Variants in ABCA7 observed in about 807,000 individuals in gnomAD.
ABCA7 encodes phospholipid-transporting ATPase ABCA7.
Under a neutral mutation model 227.6 loss-of-function variants are expected in ABCA7, and 261 were observed. That is an observed-to-expected ratio of 1.15 (90% confidence interval 1.04 to 1.27). The LOEUF (loss-of-function observed/expected upper bound fraction) is 1.27. Among genes scored for constraint, ABCA7 ranks in the 50% most tolerant of loss-of-function variants. The pLI is 0.00. For missense variants in ABCA7, 3,331 were observed against 2,924.5 expected, an observed-to-expected ratio of 1.14 and a Z score of -3.21; for synonymous variants, 1,488 against 1,279.7, an observed-to-expected ratio of 1.16 and a Z score of -3.47.
At chr19:1,064,350 T>C in intron 45 of ABCA7, 97 bp downstream of exon 45, 1 of 1,300,914 alleles carries the variant, frequency 7.7e-7, no homozygotes, top group Non-Finnish European at 1.0e-6. Flanking sequence ...GAGGAAAGTT[T>C]GGCTCCAACT....
At position 1,063,620 on chromosome 19, in the gene ABCA7, A is replaced by G. The variant is rs1599731020; in HGVS notation, c.5789A>G (p.Asn1930Ser). ...CCTGCAGGCACCTACAGCGGAGGGA[A>G]CAAACGCAAGCTGGCGACGGCCCTG... is the stretch of plus-strand genomic sequence containing the variant. ...DRPAGTYSGG[N>S]KRKLATALAL... Residue 1930 changes from asparagine (N) to serine (S), a missense_variant, in exon 43 of 47, where the codon AAC (asparagine) becomes AGC (serine). By Grantham distance (46) the Asn-to-Ser change is conservative. Coordinates refer to ENST00000263094, the MANE Select transcript of ABCA7 (RefSeq NM_019112.4). 6.2e-7 allele frequency: 1 copy of G among 1,611,404 alleles called. No homozygotes were observed. Among genetic ancestry groups the G allele is most frequent in the East Asian group, 2.2e-5 (1 of 44,866 alleles).
At position 1,054,648 on chromosome 19, in the gene ABCA7, C is replaced by T; in HGVS notation, c.3805C>T (p.Leu1269=). The change falls in exon 28 of 47, where the codon CTG becomes TTG. Residue 1269 remains leucine (L), a synonymous_variant. Transcript: ENST00000263094. This position sits in a 1 kb window ranked among gnomAD's most constrained non-coding sequence, Gnocchi z 4.8. ...GCCTCCTTTCGGGCACTACCCGGCT[C>T]TGCGGCTCAGTCCCACCATGTACGG... ...IVPPFGHYPA[L]RLSPTMYGAQ... 6.2e-7 allele frequency: 1 copy of T among 1,613,450 alleles called. No individual in the cohort carries two copies. The highest frequency in any genetic ancestry group is 1.1e-5 in the South Asian group (1 of 91,086).
At position 1,046,930 on chromosome 19, in the gene ABCA7, T is replaced by TG; in HGVS notation, c.1755dup (p.Leu586AlafsTer178). ...CGGCTGCGGGACACCATGCGCGCCA[T>TG]GGGGCTCAGCCGCGCGGTGCTCTGG... On this transcript the variant is annotated frameshift_variant, in exon 14 of 47. Transcript: ENST00000263094. LOFTEE classifies it high-confidence loss of function. The TG allele has an allele frequency of 6.4e-7, 1 of 1,562,694 alleles. No individual in the cohort carries two copies. The highest frequency in any genetic ancestry group is 1.2e-5 in the South Asian group (1 of 86,188).
Position 1,044,613 on chromosome 19 carries a change from C to A in ABCA7, c.1084C>A (p.Pro362Thr), listed in dbSNP as rs1320308945. ...GATGCAGGATGAAGGAAGAAGGCAG[C>A]CCAGACCTGGAGGCCGGGACCACAT... ...LQMQDEGRRQPRPGGRDHMEA... is the reference protein window; with the variant it reads ...LQMQDEGRRQTRPGGRDHMEA... The change falls in exon 11 of 47, where the codon CCC becomes ACC. Residue 362 changes from proline to threonine, a missense_variant. Pro to Thr is a conservative substitution (Grantham distance 38, BLOSUM62 -1). Transcript: ENST00000263094. The A allele has an allele frequency of 6.2e-7, 1 of 1,612,998 alleles. No individual in the cohort carries two copies. Among genetic ancestry groups the A allele is most frequent in the African/African-American group, 1.3e-5 (1 of 74,946 alleles).
intron 10 of ABCA7, 38 bp downstream of exon 10, chr19:1,043,879 C>T (rs746693184): frequency 4.5e-5 from 72 of 1,585,508 alleles, no homozygotes; most frequent in Middle Eastern, 1.7e-4. Flanking sequence ...TGTGGCTCCC[C>T]GGTGAGGAGG....
chr19:1,062,347 C>G (rs753090889), intron 42 of ABCA7, 34 bp downstream of exon 42: 1 of 1,592,168 alleles, frequency 6.3e-7, no homozygotes, highest in Non-Finnish European at 8.5e-7. Context: ...CTCTCACCTC[C>G]CAGGGCCCAC....
rs762159513 is a variant in ABCA7 at position 1,053,505 on chromosome 19, G to C, written c.3397G>C (p.Gly1133Arg). The change falls in exon 24 of 47, where the codon GGG (glycine) becomes CGG (arginine). Residue 1133 changes from glycine to arginine, a missense_variant. Gly to Arg is a moderately radical substitution (Grantham distance 125). Transcript: ENST00000263094. ...RLAELRLTGY[G>R]ISDTSLEEIF... ...GGCGGAGCTGAGGCTCACTGGCTAC[G>C]GGATCTCCGACACCAGCCTCGAGGA... 7.6e-6 allele frequency: 12 copies of C among 1,574,588 alleles called. No individual in the cohort carries two copies. Among genetic ancestry groups the C allele is most frequent in the Non-Finnish European group, 1.0e-5 (12 of 1,164,962 alleles).
rs1420246109 is a variant in ABCA7, at chr19:1,058,921, T to C, written c.5381T>C (p.Val1794Ala). Residue 1794 changes from valine to alanine, a missense_variant, in exon 39 of 47, where the codon GTG becomes GCG. Physicochemically the swap from Val to Ala is moderately conservative, Grantham distance 64. Transcript: ENST00000263094. ...GGAGCCACCCAGGGGGATGTGTTGG[T>C]GCTGAGGAACTTGACCAAGGTAGGT... ...VQGATQGDVL[V>A]LRNLTKVYRG... 6.3e-7 allele frequency: 1 copy of C among 1,599,676 alleles called. No homozygotes were observed. Among genetic ancestry groups the C allele is most frequent in the African/African-American group, 1.3e-5 (1 of 74,718 alleles).
rs2042107853 is a variant in ABCA7, at chr19:1,054,859, G to C, written c.3931G>C (p.Val1311Leu). The C allele has an allele frequency of 6.4e-7, 1 of 1,561,394 alleles. No homozygotes were observed. Among genetic ancestry groups the C allele is most frequent in the Non-Finnish European group, 8.7e-7 (1 of 1,153,500 alleles). ...GGAGGCAGGACTGGAGGAGCCCCCA[G>C]TGCAGCATAGCTCCCACAGGTGAGG... Reference protein sequence around the residue: ...LQEAGLEEPPVQHSSHRFSAP... With the variant: ...LQEAGLEEPPLQHSSHRFSAP... Residue 1311 changes from valine to leucine, a missense_variant, in exon 29 of 47, where the codon GTG becomes CTG. By Grantham distance (32) the Val-to-Leu change is conservative. Coordinates refer to ENST00000263094, the MANE Select transcript of ABCA7 (RefSeq NM_019112.4). The surrounding 1 kb of genome is among the most constrained non-coding windows in gnomAD (Gnocchi z 4.8).
Position 1,048,996 on chromosome 19 carries a change from G to A in ABCA7, c.2371G>A (p.Asp791Asn). ...KSPAPCPTPL[D>N]PKVLVEEAPP... Reference sequence around the variant, plus strand: ...TCCAGCCCCTTGCCCCACCCCGCTGGACCCAAAGGGTGAGGCACTACGAGG... The same window carrying A: ...TCCAGCCCCTTGCCCCACCCCGCTGAACCCAAAGGGTGAGGCACTACGAGG... The change falls in exon 17 of 47, where the codon GAC becomes AAC. Residue 791 changes from aspartate to asparagine, a missense_variant. Physicochemically the swap from Asp to Asn is conservative, Grantham distance 23. Transcript: ENST00000263094. 1 of 1,589,280 alleles carries A rather than the reference G, an allele frequency of 6.3e-7. No homozygotes were observed. Among genetic ancestry groups the A allele is most frequent in the Middle Eastern group, 1.8e-4 (1 of 5,554 alleles).
Position 1,063,854 on chromosome 19 carries a change from C to T in ABCA7, c.5942C>T (p.Thr1981Ile), listed in dbSNP as rs530287459. ...CGGGAGGGCCGTTCAGTGATGCTCA[C>T]CTCCCATAGGTGGGCCGGGCTCTGA... Reference protein sequence around the residue: ...VVREGRSVMLTSHSMEECEAL... With the variant: ...VVREGRSVMLISHSMEECEAL... The change falls in exon 44 of 47, where the codon ACC (threonine) becomes ATC (isoleucine). Residue 1981 changes from threonine (T) to isoleucine (I), a missense_variant. Coordinates refer to ENST00000263094, the MANE Select transcript of ABCA7 (RefSeq NM_019112.4). 5.9e-6 allele frequency: 9 copies of T among 1,536,090 alleles called. No homozygotes were observed. The South Asian group carries it at 6.0e-5, about 10-fold the overall frequency.
At position 1,048,942 on chromosome 19, in the gene ABCA7, T is replaced by C. The variant is rs1196614212; in HGVS notation, c.2317T>C (p.Tyr773His). The change falls in exon 17 of 47, where the codon TAC becomes CAC. Residue 773 changes from tyrosine to histidine, a missense_variant. Transcript: ENST00000263094. ...EPWNFPFRRS[Y>H]WCGPRPPKSP... ...ATGGAATTTTCCTTTTCGGAGGAGC[T>C]ACTGGTGCGGACCTCGGCCCCCCAA... 1 of 1,609,732 alleles carries C rather than the reference T, an allele frequency of 6.2e-7. No individual in the cohort carries two copies. Among genetic ancestry groups the C allele is most frequent in the East Asian group, 2.2e-5 (1 of 44,804 alleles).
chr19:1,051,877 A>G, intron 21 of ABCA7, 65 bp from the exon 22 acceptor site: 1 of 1,571,826 alleles, frequency 6.4e-7, no homozygotes, highest in Non-Finnish European at 8.6e-7. Flanking sequence ...CTCCTGGCAG[A>G]GGCCCCAGCT....
intron 45 of ABCA7, among the ~76,000 whole-genome samples, chr19:1,064,470 G>A (rs1334782407): frequency 1.3e-5 from 2 of 152,108 alleles, no homozygotes; most frequent in African/African-American, 4.8e-5. Flanking sequence ...GGGGCTCTGG[G>A]TGGATTTAGA....
At position 1,049,363 on chromosome 19, in the gene ABCA7, G is replaced by T; in HGVS notation, c.2478G>T (p.Gly826=). ...GAAGCCCGCAGCCAGCCCTGCGGGG[G>T]CTCAGCCTGGACTTCTACCAGGGCC... ...FPGSPQPALR[G]LSLDFYQGHI... Residue 826 remains glycine (G), a synonymous_variant, in exon 18 of 47, where the codon GGG becomes GGT. Transcript: ENST00000263094. 6.2e-7 allele frequency: 1 copy of T among 1,611,514 alleles called. No individual in the cohort carries two copies. The highest frequency in any genetic ancestry group is 1.7e-4 in the Middle Eastern group (1 of 6,054).
chr19:1,050,496 G>T (rs1483995655), intron 18 of ABCA7, among the ~76,000 whole-genome samples: 1 of 151,962 alleles, frequency 6.6e-6, no homozygotes, highest in African/African-American at 2.4e-5. Context: ...CTGTGGCCAG[G>T]CGTGGTGGCT....
intron 17 of ABCA7, 93 bp downstream of exon 17, chr19:1,049,098 G>C: frequency 1.0e-6 from 1 of 977,538 alleles, no homozygotes; most frequent in Non-Finnish European, 1.5e-6. Flanking sequence ...CAATGACCTG[G>C]ACACCCCAAC....
chr19:1,046,365 C>T lies in ABCA7; in HGVS notation c.1581C>T (p.Leu527=). ...VLSGANPRAG[L]YLQQMPYPCY... The stretch of plus-strand genomic sequence containing the variant: ...GCGGCGCCAACCCCCGGGCCGGCCT[C>T]TACCTGCAGCAGATGCCCTATCCGT... The change falls in exon 13 of 47, where the codon CTC becomes CTT. Residue 527 remains leucine, a synonymous_variant. Coordinates refer to ENST00000263094, the MANE Select transcript of ABCA7 (RefSeq NM_019112.4). 1 of 1,592,470 alleles carries T rather than the reference C, an allele frequency of 6.3e-7. No individual in the cohort carries two copies.
At position 1,047,596 on chromosome 19, in the gene ABCA7, G is replaced by T; in HGVS notation, c.2211G>T (p.Leu737=). The part of the protein sequence containing the change: ...VFSLAQVSGL[L]LLDAALYGLA... ...GCCTGGCCCAGGTCTCTGGCCTTCT[G>T]CTGCTGGACGCGGCGCTCTACGGCC... Residue 737 remains leucine, a synonymous_variant, in exon 16 of 47, where the codon CTG becomes CTT. Transcript: ENST00000263094. 6.2e-7 allele frequency: 1 copy of T among 1,603,222 alleles called. No homozygotes were observed.
Sources: allele counts gnomAD v4.1 joint callset (sites outside exome capture counted in the v4.1 genomes callset), GRCh38; gene constraint gnomAD v4.1.1; non-coding constraint Gnocchi (gnomAD v3.1); transcripts MANE v1.5; gene names NCBI Gene and HGNC (gene_info 2026-07-23, HGNC 2026-07-21).